SLC1A2: variants seen among roughly 807,000 people sequenced by gnomAD.
SLC1A2 encodes the protein excitatory amino acid transporter 2.
SLC1A2 carries 15 observed loss-of-function variants against 48.8 expected under a neutral mutation model. That is an observed-to-expected ratio of 0.31 (90% CI 0.21 to 0.47). SLC1A2 has a LOEUF of 0.47. SLC1A2 is among the 20% of genes least tolerant of loss of function. The pLI is 0.99. For missense variants in SLC1A2, 502 were observed against 730.5 expected, an observed-to-expected ratio of 0.69 and a Z score of 3.61; for synonymous variants, 279 against 272.6, an observed-to-expected ratio of 1.02 and a Z score of -0.23.
At chr11:35,301,845 TC>T (rs1432635058) in intron 5 of SLC1A2, among the ~76,000 whole-genome samples, 200 bp from the exon 6 acceptor site, 22 of 152,330 alleles carry the variant, frequency 1.4e-4, no homozygotes, top group African/African-American at 5.3e-4. Context: ...TTGAACACTT[TC>T]CACATGAGCA....
Position 35,331,775 on chromosome 11 carries a change from G to A in SLC1A2, c.18-14259C>T, listed in dbSNP as rs182083976. 2.6e-4 allele frequency among the ~76,000 whole-genome samples: 39 copies of A among 152,196 alleles called. No homozygotes were observed. In the East Asian group the frequency reaches 6.0e-3, roughly 23 times the overall value. ...AGTGACTCTTTGATGTTGTCTCTTC[G>A]AATAATCTTTTCCTGAGCCCCCAAT... On this transcript the variant is annotated intron_variant, in intron 1 of 10. Coordinates refer to ENST00000278379, the MANE Select transcript of SLC1A2 (RefSeq NM_004171.4).
At chr11:35,272,332 G>C (rs991202900) in intron 9 of SLC1A2, among the ~76,000 whole-genome samples, 1 of 152,214 alleles carries the variant, frequency 6.6e-6, no homozygotes, top group Non-Finnish European at 1.5e-5. Context: ...GGACGTTAAA[G>C]GGGATCTGTT....
At chr11:35,415,439 A>T (rs4755409) in intron 1 of SLC1A2, among the ~76,000 whole-genome samples, 18,951 of 152,220 alleles carry the variant, frequency 0.12, 1,243 homozygotes, top group Middle Eastern at 0.15. Flanking sequence ...AAGGAGGCTG[A>T]TTTCTATATT....
chr11:35,299,944 AT>A (rs1851296729), intron 6 of SLC1A2, among the ~76,000 whole-genome samples: 1 of 152,112 alleles, frequency 6.6e-6, no homozygotes, highest in Non-Finnish European at 1.5e-5. Context: ...GAGTGGTTTT[AT>A]TTTTTTCTAG....
At chr11:35,370,980 A>AC (rs1324139603) in intron 1 of SLC1A2, 1 of 985,242 alleles carries the variant, frequency 1.0e-6, no homozygotes, top group African/African-American at 1.7e-5. Context: ...CTGCCAGGGT[A>AC]CAGACAGTCC....
intron 1 of SLC1A2, among the ~76,000 whole-genome samples, chr11:35,385,935 A>C (rs887094402): frequency 6.6e-6 from 1 of 152,148 alleles, no homozygotes; most frequent in African/African-American, 2.4e-5. Flanking sequence ...TAGGAGGCCA[A>C]GGCGGGTGGA....
chr11:35,337,652 G>C (rs985014968), intron 1 of SLC1A2, among the ~76,000 whole-genome samples: 5 of 152,102 alleles, frequency 3.3e-5, no homozygotes, highest in African/African-American at 1.2e-4. Flanking sequence ...TCTACCTATA[G>C]GGTAGAGTCC....
At chr11:35,267,437 CA>C (rs1172506501) in intron 9 of SLC1A2, among the ~76,000 whole-genome samples, 4 of 151,830 alleles carry the variant, frequency 2.6e-5, no homozygotes, top group South Asian at 2.1e-4. Flanking sequence ...AATAAGAACT[CA>C]AAAAAATTAT....
At chr11:35,307,575 G>A (rs1274517204) in intron 4 of SLC1A2, among the ~76,000 whole-genome samples, 1 of 152,232 alleles carries the variant, frequency 6.6e-6, no homozygotes, top group African/African-American at 2.4e-5. Context: ...GTGCTGGCAT[G>A]TAGTAGGTAA....
chr11:35,416,325 C>G (rs781280100), intron 1 of SLC1A2, among the ~76,000 whole-genome samples: 3 of 152,176 alleles, frequency 2.0e-5, no homozygotes, highest in Non-Finnish European at 4.4e-5. Flanking sequence ...AGATGATAAC[C>G]CCAAAGCTTT....
At chr11:35,384,950 C>T (rs1180622751) in intron 1 of SLC1A2, among the ~76,000 whole-genome samples, 1 of 152,134 alleles carries the variant, frequency 6.6e-6, no homozygotes, top group Non-Finnish European at 1.5e-5. Context: ...AACCATCTGC[C>T]TAAATATGAC....
intron 1 of SLC1A2, among the ~76,000 whole-genome samples, chr11:35,390,236 G>A (rs1463419577): frequency 1.3e-5 from 2 of 151,876 alleles, no homozygotes; most frequent in Non-Finnish European, 2.9e-5. Context: ...TCTACAGTAA[G>A]AAATAGATGT....
At chr11:35,351,497 T>G (rs949575969) in intron 1 of SLC1A2, among the ~76,000 whole-genome samples, 12 of 152,202 alleles carry the variant, frequency 7.9e-5, no homozygotes, top group African/African-American at 2.9e-4. Flanking sequence ...GTTTATAAGC[T>G]AAAAACAGTC....
intron 9 of SLC1A2, among the ~76,000 whole-genome samples, chr11:35,276,723 G>A (rs942236077): frequency 6.6e-6 from 1 of 152,232 alleles, no homozygotes; most frequent in Non-Finnish European, 1.5e-5. Flanking sequence ...GGGGCTGGAA[G>A]ACTTGAATTC....
Position 35,254,623 on chromosome 11 carries a change from C to T in SLC1A2, c.*6271G>A, listed in dbSNP as rs1950288980. 3.0e-6 allele frequency: 1 copy of T among 330,866 alleles called. No homozygotes were observed. The highest frequency in any genetic ancestry group is 2.2e-5 in the African/African-American group (1 of 45,452). The allele number at this position is 330,866 out of a possible 1,614,324, so 20.5% of individuals were successfully genotyped here. On this transcript the variant is annotated 3_prime_UTR_variant, in exon 11 of 11. Coordinates refer to ENST00000278379, the MANE Select transcript of SLC1A2 (RefSeq NM_004171.4). The stretch of plus-strand genomic sequence containing the variant: ...AGTGAGGCTCCGACTGCAACATCTC[C>T]ATCTCCAGTGAGGATGATGACAAGG...
At chr11:35,381,988 CTG>C (rs1260677269) in intron 1 of SLC1A2, among the ~76,000 whole-genome samples, 1 of 152,180 alleles carries the variant, frequency 6.6e-6, no homozygotes, top group African/African-American at 2.4e-5. Flanking sequence ...CAAACAGTAA[CTG>C]TATCTGTACT....
chr11:35,299,855 G>T (rs1851294977), intron 6 of SLC1A2, among the ~76,000 whole-genome samples: 1 of 152,220 alleles, frequency 6.6e-6, no homozygotes, highest in Non-Finnish European at 1.5e-5. Context: ...AAGGTGGGTA[G>T]GCCTGGAACA....
chr11:35,287,340 C>T (rs1481396749), intron 7 of SLC1A2, among the ~76,000 whole-genome samples: 1 of 151,344 alleles, frequency 6.6e-6, no homozygotes, highest in Non-Finnish European at 1.5e-5. Flanking sequence ...CTATCAACAG[C>T]AAAATGGGAT....
At chr11:35,302,698 C>T (rs1226578693) in intron 5 of SLC1A2, among the ~76,000 whole-genome samples, 1 of 151,858 alleles carries the variant, frequency 6.6e-6, no homozygotes, top group Non-Finnish European at 1.5e-5. Context: ...CTCTTCCTAC[C>T]ACTCCTGTTG....
Sources: gnomAD v4.1 joint callset for allele counts (sites outside exome capture counted in the v4.1 genomes callset) on GRCh38, gnomAD v4.1.1 for gene constraint, MANE v1.5 for transcripts, NCBI Gene and HGNC (gene_info 2026-07-23, HGNC 2026-07-21) for gene names.